Variants in MYH15 observed in about 807,000 individuals in gnomAD.
MYH15 encodes the protein myosin-15.
MYH15 carries 227 observed loss-of-function variants against 240.5 expected under a neutral mutation model. The observed-to-expected ratio is 0.94, with a 90% CI of 0.85 to 1.05. The LOEUF is 1.05. Ranked by LOEUF, MYH15 falls within the 50% of genes least tolerant of loss-of-function variation. The probability of loss-of-function intolerance (pLI) is 0.00; values close to 1 mark genes in which losing one functional copy is unlikely to be tolerated. For synonymous variants in MYH15, 785 were observed against 796.7 expected (o/e 0.99, Z 0.25); for missense variants, 2,217 against 2,247.5 (o/e 0.99, Z 0.27).
intron 38 of MYH15, among the ~76,000 whole-genome samples, chr3:108,386,898 T>C (rs2082387531): frequency 6.6e-6 from 1 of 152,006 alleles, no homozygotes; most frequent in African/African-American, 2.4e-5. Flanking sequence ...ACCGAGTAGA[T>C]GGGTGGAGAG....
At chr3:108,507,180 ATG>A (rs942213481) in intron 1 of MYH15, among the ~76,000 whole-genome samples, 8 of 139,414 alleles carry the variant, frequency 5.7e-5, no homozygotes, top group African/African-American at 2.1e-4. Flanking sequence ...ATGTGTGTCT[ATG>A]TATGTATATG....
chr3:108,525,999 G>GA (rs1210424662), intron 1 of MYH15, among the ~76,000 whole-genome samples: 2 of 151,504 alleles, frequency 1.3e-5, no homozygotes, highest in Non-Finnish European at 2.9e-5. Flanking sequence ...TAGTGATATG[G>GA]AAAAAAAAGA....
chr3:108,465,129 T>A (rs2083104108), intron 14 of MYH15, among the ~76,000 whole-genome samples: 1 of 152,116 alleles, frequency 6.6e-6, no homozygotes, highest in African/African-American at 2.4e-5. Context: ...ACAAATGACT[T>A]AGTTTCATAT....
rs1362754379 is a variant in MYH15 at position 108,408,221 on chromosome 3, G to GA, written c.4620+58dup. 81 of 1,552,458 alleles carry GA rather than the reference G, an allele frequency of 5.2e-5. No individual in the cohort carries two copies. In the South Asian group the frequency reaches 9.6e-4, roughly 18 times the overall value. On this transcript the variant is annotated intron_variant, in intron 32 of 40. Coordinates refer to ENST00000693548, the MANE Select transcript of MYH15 (RefSeq NM_014981.3). ...TTTTGTTGGTGCTGCTGTTATTGCT[G>GA]AATGCAGATCTTCTGCCTTGTCACA... is the stretch of plus-strand genomic sequence containing the variant.
Position 108,392,062 on chromosome 3 carries a change from T to C in MYH15, c.5260-132A>G, listed in dbSNP as rs563565737. On this transcript the variant is annotated intron_variant, in intron 36 of 40. Coordinates refer to ENST00000693548, the MANE Select transcript of MYH15 (RefSeq NM_014981.3). ...CTATGTATGTGATCTCTTCCCATTA[T>C]AATCTCCCTAACCACTACCACCCTC... The C allele has an allele frequency of 1.1e-5, 11 of 970,672 alleles. 1 individual carries two copies. In the East Asian group the frequency reaches 2.7e-4, roughly 24 times the overall value. The allele number at this position is 970,672 out of a possible 1,614,324, so 60.1% of individuals were successfully genotyped here.
At chr3:108,388,821 TG>T in intron 38 of MYH15, 148 bp downstream of exon 38, 1 of 621,670 alleles carries the variant, frequency 1.6e-6, no homozygotes, top group African/African-American at 1.9e-5. Flanking sequence ...ACAGGAGCTC[TG>T]GGAGGGTGAG....
At chr3:108,399,551 A>T (rs995435982) in intron 33 of MYH15, among the ~76,000 whole-genome samples, 1 of 152,228 alleles carries the variant, frequency 6.6e-6, no homozygotes, top group Admixed American at 6.5e-5. Flanking sequence ...CCTGTGAGGC[A>T]GCTTTAGTCT....
At chr3:108,431,989 C>G (rs761518102) in intron 25 of MYH15, among the ~76,000 whole-genome samples, 8 of 152,016 alleles carry the variant, frequency 5.3e-5, no homozygotes, top group Non-Finnish European at 1.0e-4. Context: ...ACTTAGGGTA[C>G]CTGGTGGAAG....
rs1159232108 is a variant in MYH15 at position 108,463,116 on chromosome 3, T to C, written c.1859A>G (p.Asp620Gly). 3 of 1,609,040 alleles carry C rather than the reference T, an allele frequency of 1.9e-6. No individual in the cohort carries two copies. The highest frequency in any genetic ancestry group is 1.7e-5 in the Admixed American group (1 of 58,822). Residue 620 changes from aspartate to glycine, a missense_variant, in exon 16 of 41, where the codon GAC (aspartate) becomes GGC (glycine). Asp to Gly is a moderately conservative substitution (Grantham distance 94). Transcript: ENST00000693548. ...ASLFENYMST[D>G]SAIPFGEKKR... ...AGGAAGATTGTATGACTCACCACTGTCAGTACTCATGTAATTTTCAAAAAG... is the reference window on the plus strand; with the variant it reads ...AGGAAGATTGTATGACTCACCACTGCCAGTACTCATGTAATTTTCAAAAAG...
the MYH15 span, among the ~76,000 whole-genome samples, chr3:108,544,816 C>T: frequency 2.6e-5 from 4 of 152,072 alleles, no homozygotes; most frequent in African/African-American, 7.2e-5. Flanking sequence ...GTAGATAACA[C>T]TAAATGTCTT....
At chr3:108,515,272 C>T (rs994586205), upstream of MYH15, among the ~76,000 whole-genome samples, 1 of 152,118 alleles carries the variant, frequency 6.6e-6, no homozygotes, top group Non-Finnish European at 1.5e-5. Flanking sequence ...GTGATGCAAA[C>T]TTGAGGGTTG....
At chr3:108,411,376 T>C (rs1050118804) in intron 30 of MYH15, among the ~76,000 whole-genome samples, 3 of 152,346 alleles carry the variant, frequency 2.0e-5, no homozygotes, top group Middle Eastern at 3.4e-3. Flanking sequence ...GAACACTCTC[T>C]TGCTTTTTCC....
chr3:108,459,282 A>T, intron 18 of MYH15, 80 bp downstream of exon 18: 1 of 905,260 alleles, frequency 1.1e-6, no homozygotes, highest in Non-Finnish European at 1.6e-6. Flanking sequence ...GCACCAATAA[A>T]TATTTCTTTA....
At chr3:108,429,563 A>G (rs1231476427) in intron 26 of MYH15, among the ~76,000 whole-genome samples, 2 of 152,176 alleles carry the variant, frequency 1.3e-5, no homozygotes, top group Non-Finnish European at 2.9e-5. Flanking sequence ...CCCTTTTAGT[A>G]TAGGCCAAAC....
chr3:108,537,645 C>A, the MYH15 span, among the ~76,000 whole-genome samples: 1 of 152,184 alleles, frequency 6.6e-6, no homozygotes. Context: ...GCACTTTGAT[C>A]ATGGACTTCC....
chr3:108,470,888 T>C (rs73850899), intron 12 of MYH15, 41 bp from the exon 13 acceptor site: 234,894 of 1,601,916 alleles, frequency 0.15, 19,070 homozygotes, highest in South Asian at 0.27. Flanking sequence ...CTGACTGAAG[T>C]GTTCATTTTA....
At chr3:108,416,770 A>AC (rs774561043) in intron 29 of MYH15, 42 bp downstream of exon 29, 1 of 1,451,544 alleles carries the variant, frequency 6.9e-7, no homozygotes, top group South Asian at 1.2e-5. Context: ...AAAAAAAAAA[A>AC]CACACAGTCA....
chr3:108,419,700 T>A lies in MYH15; in HGVS notation c.3829+1388A>T, dbSNP rs185241528. Among the ~76,000 whole-genome samples the A allele has an allele frequency of 1.9e-3, 292 of 152,308 alleles. 1 individual carries two copies. The highest frequency in any genetic ancestry group is 6.0e-3 in the African/African-American group (250 of 41,556). On this transcript the variant is annotated intron_variant, in intron 28 of 40. Coordinates refer to ENST00000693548, the MANE Select transcript of MYH15 (RefSeq NM_014981.3). ...CTTAATAGAACCAAAAACATTTCCT[T>A]CTTCTAGATTTCCAGGTTTTTAGTT... is the stretch of plus-strand genomic sequence containing the variant.
At chr3:108,482,369 A>T (rs1391089721) in intron 11 of MYH15, among the ~76,000 whole-genome samples, 2 of 152,196 alleles carry the variant, frequency 1.3e-5, no homozygotes, top group African/African-American at 4.8e-5. Flanking sequence ...AGCAATTAGC[A>T]GTAGGGAAGA....
Sources: gnomAD v4.1 joint callset for allele counts (sites outside exome capture counted in the v4.1 genomes callset) on GRCh38, gnomAD v4.1.1 for gene constraint, MANE v1.5 for transcripts, NCBI Gene and HGNC (gene_info 2026-07-23, HGNC 2026-07-21) for gene names.